Variants in C16orf95 observed in about 807,000 individuals in gnomAD.
C16orf95 encodes uncharacterized protein C16orf95.
In C16orf95, 41 loss-of-function variants were observed where a neutral mutation model predicts 32.1. The observed-to-expected ratio is 1.28, with a 90% CI of 1.00 to 1.66. The LOEUF (loss-of-function observed/expected upper bound fraction) is 1.66. C16orf95 is among the 40% of genes most tolerant of loss of function. The pLI, the probability that C16orf95 is intolerant of heterozygous loss-of-function variation, is 0.00. For synonymous variants in C16orf95, 147 were observed against 128.9 expected (o/e 1.14, Z -0.95); for missense variants, 399 against 325.9 (o/e 1.22, Z -1.73).
intron 3 of C16orf95, among the ~76,000 whole-genome samples, chr16:87,311,995 C>T (rs971616542): frequency 2.0e-5 from 3 of 152,174 alleles, no homozygotes; most frequent in Admixed American, 2.0e-4. Context: ...GATGCAGCAC[C>T]GTGAGTTCAC....
In C16orf95 at chr16:87,305,428, C is replaced by T. The variant is rs1387344771; in HGVS notation, c.701+291G>A. On this transcript the variant is annotated intron_variant, in intron 6 of 6. Transcript: ENST00000567970. This position sits in a 1 kb window ranked among gnomAD's most constrained non-coding sequence, Gnocchi z 4.2. ...ATGAAAATTTATGGAAACTGGGACC[C>T]GTGTCCTTCTGGGAGCAGGGCCATT... is the stretch of plus-strand genomic sequence containing the variant. Among the ~76,000 whole-genome samples the T allele has an allele frequency of 6.6e-6, 1 of 151,454 alleles. No individual in the cohort carries two copies. Among genetic ancestry groups the T allele is most frequent in the East Asian group, 1.9e-4 (1 of 5,160 alleles).
chr16:87,315,925 A>C, intron 1 of C16orf95, 102 bp from the exon 2 acceptor site: 1 of 696,860 alleles, frequency 1.4e-6, no homozygotes, highest in Non-Finnish European at 2.2e-6. Flanking sequence ...ACTCTTAATA[A>C]TAAAGCCCAC....
chr16:87,315,726 G>A, intron 2 of C16orf95, 46 bp downstream of exon 2: 1 of 1,408,144 alleles, frequency 7.1e-7, no homozygotes, highest in Non-Finnish European at 9.6e-7. Flanking sequence ...ACCCCACAGG[G>A]ATATGTTGGG....
chr16:87,304,526 C>T (rs894156169), intron 6 of C16orf95, among the ~76,000 whole-genome samples: 3 of 152,208 alleles, frequency 2.0e-5, no homozygotes, highest in African/African-American at 7.2e-5. Context: ...ACAAGAAAAA[C>T]GACAAAGAAG....
intron 3 of C16orf95, among the ~76,000 whole-genome samples, chr16:87,313,471 T>C (rs1911373511): frequency 6.6e-6 from 1 of 152,208 alleles, no homozygotes; most frequent in Non-Finnish European, 1.5e-5. Flanking sequence ...TGGCAGCTCA[T>C]GCCTGTAATC....
At chr16:87,311,036 C>T (rs1050416989) in intron 4 of C16orf95, 114 bp downstream of exon 4, 13 of 1,031,222 alleles carry the variant, frequency 1.3e-5, no homozygotes, top group East Asian at 2.7e-5. Flanking sequence ...CCAGCAGAGG[C>T]CTTTGTGGGA....
At chr16:87,312,673 T>C (rs1911339141) in intron 3 of C16orf95, among the ~76,000 whole-genome samples, 1 of 151,784 alleles carries the variant, frequency 6.6e-6, no homozygotes, top group Non-Finnish European at 1.5e-5. Context: ...TCTTCAACAC[T>C]GTACTGAAAG....
intron 6 of C16orf95, among the ~76,000 whole-genome samples, chr16:87,304,364 T>G (rs1487710020): frequency 2.0e-5 from 3 of 151,360 alleles, no homozygotes; most frequent in African/African-American, 4.9e-5. Flanking sequence ...TCGCCCATCC[T>G]CTAAGGCTGG....
At chr16:87,303,199 G>A (rs1450280273) in intron 6 of C16orf95, 124 bp from the exon 7 acceptor site, 5 of 932,716 alleles carry the variant, frequency 5.4e-6, no homozygotes, top group Middle Eastern at 2.4e-4. Context: ...GCACAGGGCT[G>A]GAGGAATCCC....
chr16:87,304,356 G>A (rs145310525), intron 6 of C16orf95, among the ~76,000 whole-genome samples: 2 of 151,380 alleles, frequency 1.3e-5, no homozygotes, highest in Non-Finnish European at 1.5e-5. Context: ...GCCCGGCCTC[G>A]CCCATCCTCT....
intron 2 of C16orf95, among the ~76,000 whole-genome samples, chr16:87,315,411 C>T (rs904049384): frequency 4.6e-5 from 7 of 152,232 alleles, no homozygotes; most frequent in African/African-American, 1.4e-4. Flanking sequence ...AGAGCTTATG[C>T]GCACATGAGT....
intron 6 of C16orf95, among the ~76,000 whole-genome samples, chr16:87,304,487 C>T (rs755326703): frequency 1.3e-5 from 2 of 152,058 alleles, no homozygotes; most frequent in Non-Finnish European, 2.9e-5. Context: ...GATCATCAAG[C>T]TGCCAAACAT....
At position 87,311,203 on chromosome 16, in the gene C16orf95, C is replaced by A. The variant is rs1268992195; in HGVS notation, c.424G>T (p.Asp142Tyr). ...RFGGRLPMPRDQAVMPYWVPQ... is the reference protein window; with the variant it reads ...RFGGRLPMPRYQAVMPYWVPQ... ...ACCCAGTAGGGCATCACTGCCTGGT[C>A]CCTAGGCATCGGGAGGCGGCCCCCA... The change falls in exon 4 of 7, where the codon GAC (aspartate) becomes TAC (tyrosine). Residue 142 changes from aspartate to tyrosine, a missense_variant. By Grantham distance (160) the Asp-to-Tyr change is radical. Transcript: ENST00000567970. The A allele has an allele frequency of 6.5e-7, 1 of 1,535,684 alleles. No homozygotes were observed. Among genetic ancestry groups the A allele is most frequent in the Admixed American group, 2.0e-5 (1 of 50,964 alleles).
chr16:87,314,873 A>C (rs887695361), intron 3 of C16orf95, 98 bp downstream of exon 3: 1 of 1,015,004 alleles, frequency 9.9e-7, no homozygotes, highest in African/African-American at 1.6e-5. Flanking sequence ...AAATGTTAAA[A>C]TATCCATTCA....
rs1313235998 is a variant in C16orf95, at chr16:87,303,395, G to C, written c.702-320C>G. The C allele has an allele frequency of 1.0e-5, 3 of 299,504 alleles. No individual in the cohort carries two copies. In the Admixed American group the frequency reaches 1.3e-4, roughly 13 times the overall value. The allele number at this position is 299,504 out of a possible 1,614,324, so 18.6% of individuals were successfully genotyped here. On this transcript the variant is annotated intron_variant, in intron 6 of 6. Coordinates refer to ENST00000567970, the MANE Select transcript of C16orf95 (RefSeq NM_001195124.3). Reference sequence around the variant, plus strand: ...GAAGGCAGGTCTCACCCTGCTCTTGGGGGCTCCCTGCCAAGAGATTCTAAG... The same window carrying C: ...GAAGGCAGGTCTCACCCTGCTCTTGCGGGCTCCCTGCCAAGAGATTCTAAG...
At chr16:87,315,327 C>T (rs938386411) in intron 2 of C16orf95, among the ~76,000 whole-genome samples, 2 of 152,218 alleles carry the variant, frequency 1.3e-5, no homozygotes, top group Admixed American at 1.3e-4. Context: ...CTGGGATTCT[C>T]AGCTGCTTCC....
chr16:87,307,880 G>C (rs560212984), intron 5 of C16orf95, among the ~76,000 whole-genome samples: 1 of 152,250 alleles, frequency 6.6e-6, no homozygotes, highest in Non-Finnish European at 1.5e-5. Flanking sequence ...TCTTGAAAGA[G>C]CTGAGGGTCC....
chr16:87,317,385 C>G lies in C16orf95; in HGVS notation c.-143G>C. On this transcript the variant is annotated 5_prime_UTR_variant, in exon 1 of 7. Coordinates refer to ENST00000567970, the MANE Select transcript of C16orf95 (RefSeq NM_001195124.3). ...CCCAACCTCAACCGCTCAGAGGAGC[C>G]CAACAACGCCCGCGCGCCCGCCCGT... 6.4e-6 allele frequency: 9 copies of G among 1,397,744 alleles called. No homozygotes were observed. Among genetic ancestry groups the G allele is most frequent in the South Asian group, 1.6e-5 (1 of 62,296 alleles). 86.6% of individuals were successfully genotyped at this position (1,397,744 alleles called of 1,614,324 possible).
intron 2 of C16orf95, among the ~76,000 whole-genome samples, chr16:87,315,449 C>T (rs900743674): frequency 2.0e-5 from 3 of 152,230 alleles, no homozygotes; most frequent in African/African-American, 7.2e-5. Context: ...CTGTCACACT[C>T]TGGTGTGCAA....
Sources: gnomAD v4.1 joint callset for allele counts (sites outside exome capture counted in the v4.1 genomes callset) on GRCh38, gnomAD v4.1.1 for gene constraint, Gnocchi (gnomAD v3.1) non-coding constraint, MANE v1.5 for transcripts, NCBI Gene and HGNC (gene_info 2026-07-23, HGNC 2026-07-21) for gene names.